DENND5B: variants seen among roughly 807,000 people sequenced by gnomAD.
DENND5B encodes the protein DENN domain-containing protein 5B.
DENND5B carries 34 observed loss-of-function variants against 140.6 expected under a neutral mutation model. The ratio of observed to expected loss-of-function variants is 0.24; its 90% CI spans 0.18 to 0.32. The LOEUF (loss-of-function observed/expected upper bound fraction) is 0.32. Among genes scored for constraint, DENND5B ranks in the 10% least tolerant of loss-of-function variants. The pLI, the probability that DENND5B is intolerant of heterozygous loss-of-function variation, is 1.00. For missense variants in DENND5B, 1,142 were observed against 1,560.2 expected, an observed-to-expected ratio of 0.73 and a Z score of 4.52; for synonymous variants, 551 against 562.1, an observed-to-expected ratio of 0.98 and a Z score of 0.28.
At chr12:31,451,803 G>T in intron 5 of DENND5B, 137 bp downstream of exon 5, 1 of 1,028,586 alleles carries the variant, frequency 9.7e-7, no homozygotes, top group Non-Finnish European at 1.4e-6. Flanking sequence ...AAGACAAAAA[G>T]TCTGCATTTA....
chr12:31,572,855 C>T (rs140093647), intron 1 of DENND5B, among the ~76,000 whole-genome samples: 4 of 152,184 alleles, frequency 2.6e-5, no homozygotes, highest in Non-Finnish European at 5.9e-5. Flanking sequence ...TAGCCTCTCC[C>T]GAAATATACC....
chr12:31,501,865 T>G (rs928438703), intron 1 of DENND5B, among the ~76,000 whole-genome samples: 3 of 152,114 alleles, frequency 2.0e-5, no homozygotes, highest in East Asian at 1.9e-4. Context: ...TAATTATAAC[T>G]AATGTACCAT....
chr12:31,419,745 G>A lies in DENND5B; in HGVS notation c.2470+3852C>T, dbSNP rs144784002. Among the ~76,000 whole-genome samples, 1,259 of 152,048 alleles carry A rather than the reference G, an allele frequency of 8.3e-3. 10 individuals carry two copies. The highest frequency in any genetic ancestry group is 0.029 in the African/African-American group (1,213 of 41,504). On this transcript the variant is annotated intron_variant, in intron 11 of 20. Coordinates refer to ENST00000389082, the MANE Select transcript of DENND5B (RefSeq NM_144973.4). ...TCCCAGCACTTTGGGAGGCTGAGGC[G>A]GGTGGATCACCTGAGGTCAGGAGTT...
intron 19 of DENND5B, 101 bp from the exon 20 acceptor site, chr12:31,389,599 C>T: frequency 8.4e-7 from 1 of 1,192,940 alleles, no homozygotes; most frequent in Non-Finnish European, 1.2e-6. Flanking sequence ...CGATGCTTTG[C>T]ATACAGTCAG....
chr12:31,437,817 A>C (rs1943846440), intron 7 of DENND5B, among the ~76,000 whole-genome samples: 1 of 152,204 alleles, frequency 6.6e-6, no homozygotes, highest in Non-Finnish European at 1.5e-5. Context: ...AAAAAGGTAT[A>C]ACATTCTATA....
At position 31,437,325 on chromosome 12, in the gene DENND5B, G is replaced by A. The variant is rs139133982; in HGVS notation, c.2013-4077C>T. Among the ~76,000 whole-genome samples the A allele has an allele frequency of 6.6e-5, 10 of 152,046 alleles. No homozygotes were observed. In the East Asian group the frequency reaches 1.4e-3, roughly 21 times the overall value. On this transcript the variant is annotated intron_variant, in intron 7 of 20. Coordinates refer to ENST00000389082, the MANE Select transcript of DENND5B (RefSeq NM_144973.4). The stretch of plus-strand genomic sequence containing the variant: ...AATTTTTTGTATTTTTAGTAGAGAC[G>A]GGGTTTCACTGTGTTAGCCAGGATG...
intron 1 of DENND5B, among the ~76,000 whole-genome samples, chr12:31,537,737 A>C (rs1948551858): frequency 6.6e-6 from 1 of 152,166 alleles, no homozygotes; most frequent in Admixed American, 6.5e-5. Context: ...TGCCTACAAG[A>C]AGCACATTTC....
At chr12:31,574,295 A>AATAATAATAATAATAATAATT (rs374578025) in intron 1 of DENND5B, among the ~76,000 whole-genome samples, 7,088 of 144,364 alleles carry the variant, frequency 0.049, 352 homozygotes, top group East Asian at 0.14. Flanking sequence ...TAATAATAAT[A>AATAATAATAATAATAATAATT]ATTTAAAAGG....
At chr12:31,527,896 T>TC (rs1344794284) in intron 1 of DENND5B, among the ~76,000 whole-genome samples, 1 of 152,208 alleles carries the variant, frequency 6.6e-6, no homozygotes, top group African/African-American at 2.4e-5. Context: ...AACAATCAGG[T>TC]AATTCCACAA....
At chr12:31,515,419 T>C (rs567223784) in intron 1 of DENND5B, among the ~76,000 whole-genome samples, 9 of 152,368 alleles carry the variant, frequency 5.9e-5, no homozygotes, top group African/African-American at 2.2e-4. Context: ...CAGTATGATA[T>C]AGAAATAGAT....
chr12:31,389,358 C>T lies in DENND5B; in HGVS notation c.3607G>A (p.Gly1203Ser). 3 of 1,612,642 alleles carry T rather than the reference C, an allele frequency of 1.9e-6. No individual in the cohort carries two copies. The highest frequency in any genetic ancestry group is 2.2e-5 in the East Asian group (1 of 44,870). The change falls in exon 20 of 21, where the codon GGC becomes AGC. Residue 1203 changes from glycine to serine, a missense_variant. This residue lies in a region of DENND5B where 125 missense variants were observed against 179.0 expected (regional missense o/e 0.70). Transcript: ENST00000389082. ...NTAPRNIGKD[G>S]KFQILVCLGT... ...AGGCAAACTAAAATCTGGAATTTGC[C>T]ATCCTTCCCAATGTTCCTGGGTGCA...
chr12:31,532,895 G>A (rs955774969), intron 1 of DENND5B, among the ~76,000 whole-genome samples: 19 of 152,152 alleles, frequency 1.2e-4, no homozygotes, highest in Non-Finnish European at 2.8e-4. Flanking sequence ...GTTCCCGTGG[G>A]ACCAGAAGAC....
intron 16 of DENND5B, among the ~76,000 whole-genome samples, chr12:31,399,275 CTTTTTTTT>C (rs530514939): frequency 1.7e-5 from 1 of 60,440 alleles, no homozygotes; most frequent in Non-Finnish European, 3.0e-5. Context: ...TCAAACAATT[CTTTTTTTT>C]TTTTTTTTTT....
At chr12:31,410,895 G>A (rs955074001) in intron 13 of DENND5B, among the ~76,000 whole-genome samples, 24 of 152,248 alleles carry the variant, frequency 1.6e-4, no homozygotes, top group African/African-American at 4.6e-4. Flanking sequence ...ATATTGAATC[G>A]CACATATAGT....
chr12:31,435,307 CACAT>C (rs1029381331), intron 7 of DENND5B, among the ~76,000 whole-genome samples: 29 of 152,324 alleles, frequency 1.9e-4, no homozygotes, highest in African/African-American at 6.5e-4. Context: ...ACAATACACA[CACAT>C]AAACATCCTC....
At chr12:31,515,951 G>A (rs1223715780) in intron 1 of DENND5B, among the ~76,000 whole-genome samples, 1 of 152,082 alleles carries the variant, frequency 6.6e-6, no homozygotes, top group Non-Finnish European at 1.5e-5. Context: ...ACAATGGAGA[G>A]GCTTTAGAGC....
At chr12:31,467,837 G>T (rs7137406) in intron 3 of DENND5B, among the ~76,000 whole-genome samples, 84,483 of 151,888 alleles carry the variant, frequency 0.56, 23,986 homozygotes, top group East Asian at 0.82. Context: ...TTAAGAAAAA[G>T]AGCATATAAC....
intron 1 of DENND5B, among the ~76,000 whole-genome samples, chr12:31,514,592 G>A (rs1461036077): frequency 6.7e-6 from 1 of 148,408 alleles, no homozygotes; most frequent in Admixed American, 6.7e-5. Flanking sequence ...AAGGTGGGTG[G>A]ATCACTTGAC....
In DENND5B at chr12:31,545,679, C is replaced by A. The variant is rs376626537; in HGVS notation, c.127+45027G>T. On this transcript the variant is annotated intron_variant, in intron 1 of 20. Coordinates refer to ENST00000389082, the MANE Select transcript of DENND5B (RefSeq NM_144973.4). ...AGGATAAAAGGATATATGGGCCAGG[C>A]GCGGTGGCTCACACCTGTAATCCCA... Among the ~76,000 whole-genome samples the A allele has an allele frequency of 2.0e-5, 3 of 151,904 alleles. No individual in the cohort carries two copies. The East Asian group carries it at 5.8e-4, about 29-fold the overall frequency.
Sources: allele counts gnomAD v4.1 joint callset (sites outside exome capture counted in the v4.1 genomes callset), GRCh38; gene constraint gnomAD v4.1.1; regional missense constraint gnomAD v4.1.1; transcripts MANE v1.5; gene names NCBI Gene and HGNC (gene_info 2026-07-23, HGNC 2026-07-21).